CD200: variants seen among roughly 807,000 people sequenced by gnomAD.
CD200 encodes the protein OX-2 membrane glycoprotein.
A neutral mutation model predicts 30.9 loss-of-function variants in CD200; 15 were observed. The observed-to-expected ratio is 0.49, with a 90% confidence interval of 0.32 to 0.75. CD200 has a LOEUF of 0.75. Ranked by LOEUF, CD200 falls within the 30% of genes least tolerant of loss-of-function variation. The pLI is 0.03. For missense variants in CD200, 262 were observed against 324.2 expected (o/e 0.81, Z 1.47); for synonymous variants, 134 against 126.2 (o/e 1.06, Z -0.41).
intron 5 of CD200, chr3:112,350,021 C>CTT (rs1313553503): frequency 1.0e-6 from 1 of 962,218 alleles, no homozygotes; most frequent in Non-Finnish European, 1.2e-6. Flanking sequence ...GACATTTCTG[C>CTT]TTTTTGTTTG....
Position 112,347,810 on chromosome 3 carries a change from T to G in CD200, c.674T>G (p.Phe225Cys). The change falls in exon 4 of 6, where the codon TTT becomes TGT. Residue 225 changes from phenylalanine to cysteine, a missense_variant. By Grantham distance (205) the Phe-to-Cys change is radical (BLOSUM62 -2). Coordinates refer to ENST00000315711, the MANE Select transcript of CD200 (RefSeq NM_005944.7). ...CTGCACCTGGGGACTGTGACCGACT[T>G]TAAGCAAACCGTCAACAAAGGTAAG... ...QVLHLGTVTD[F>C]KQTVNKGYWF... 1 of 1,613,424 alleles carries G rather than the reference T, an allele frequency of 6.2e-7. No individual in the cohort carries two copies.
Position 112,355,499 on chromosome 3 carries a change from G to A in CD200, c.802+5680G>A, listed in dbSNP as rs769830121. On this transcript the variant is annotated intron_variant, in intron 5 of 5. Transcript: ENST00000315711. ...CCTTTGTCTTCGTCATAAGCATCCC[G>A]TAAACACAAGTTCACAGGGAACTGT... is the stretch of plus-strand genomic sequence containing the variant. Among the ~76,000 whole-genome samples, 12 of 152,096 alleles carry A rather than the reference G, an allele frequency of 7.9e-5. No homozygotes were observed. The East Asian group carries it at 1.7e-3, about 22-fold the overall frequency.
At chr3:112,335,729 G>A (rs2081099967) in intron 1 of CD200, 6 of 551,026 alleles carry the variant, frequency 1.1e-5, no homozygotes, top group Non-Finnish European at 2.0e-5. Flanking sequence ...TGGAGATAGT[G>A]ATGGAGACTC....
chr3:112,342,317 CTTTCTTTCTTTCTTTCTTTCCTTCTTTCT>C (rs2081262716), intron 2 of CD200, among the ~76,000 whole-genome samples: 1 of 41,846 alleles, frequency 2.4e-5, no homozygotes, highest in African/African-American at 1.1e-4. Context: ...TTTCTTCTTT[CTTTCTTTCTTTCTTTCTTTCCTTCTTTCT>C]TTCTTTCTTT....
chr3:112,343,060 A>G (rs2081304640), intron 2 of CD200, among the ~76,000 whole-genome samples: 1 of 151,776 alleles, frequency 6.6e-6, no homozygotes, highest in East Asian at 1.9e-4. Flanking sequence ...AAAGTTTATT[A>G]TTTCTCTTTC....
At position 112,347,778 on chromosome 3, in the gene CD200, C is replaced by T. The variant is rs1429032546; in HGVS notation, c.642C>T (p.Cys214=). 4 of 1,613,802 alleles carry T rather than the reference C, an allele frequency of 2.5e-6. No homozygotes were observed. The South Asian group carries it at 3.3e-5, about 13-fold the overall frequency. The change falls in exon 4 of 6, where the codon TGC becomes TGT. Residue 214 remains cysteine (C), a synonymous_variant. Coordinates refer to ENST00000315711, the MANE Select transcript of CD200 (RefSeq NM_005944.7). The part of the protein sequence containing the change: ...PKNQVGKEVI[C]QVLHLGTVTD... ...ATCAGGTGGGGAAGGAGGTGATCTGCCAGGTGCTGCACCTGGGGACTGTGA... is the reference window on the plus strand; with the variant it reads ...ATCAGGTGGGGAAGGAGGTGATCTGTCAGGTGCTGCACCTGGGGACTGTGA...
chr3:112,344,959 T>C lies in CD200; in HGVS notation c.95-3T>C. ...ATATAAATGTTCTTTTATGATTCCA[T>C]AGTGCAAGTGGTGACCCAGGATGAA... On this transcript the variant is annotated splice_region_variant and splice_polypyrimidine_tract_variant and intron_variant, in intron 2 of 5. Transcript: ENST00000315711. The C allele has an allele frequency of 6.3e-7, 1 of 1,592,234 alleles. No individual in the cohort carries two copies. The highest frequency in any genetic ancestry group is 8.6e-7 in the Non-Finnish European group (1 of 1,167,710).
intron 5 of CD200, among the ~76,000 whole-genome samples, chr3:112,360,441 C>T (rs759554878): frequency 2.0e-5 from 3 of 151,936 alleles, no homozygotes; most frequent in Non-Finnish European, 1.5e-5. Context: ...AAAATAAGTA[C>T]ATAACTGAGA....
chr3:112,359,083 G>T (rs940303958), intron 5 of CD200, among the ~76,000 whole-genome samples: 24 of 152,200 alleles, frequency 1.6e-4, no homozygotes, highest in African/African-American at 5.6e-4. Context: ...AATCCTAAAA[G>T]GTTTTGCTCT....
chr3:112,340,790 TG>T (rs1256014787), intron 1 of CD200, 111 bp from the exon 2 acceptor site: 3 of 697,798 alleles, frequency 4.3e-6, no homozygotes, highest in African/African-American at 1.8e-5. Context: ...CAAAATTCTC[TG>T]GGGGGTAAAA....
intron 5 of CD200, among the ~76,000 whole-genome samples, chr3:112,359,747 G>C (rs781253226): frequency 5.3e-5 from 8 of 152,128 alleles, no homozygotes; most frequent in Non-Finnish European, 8.8e-5. Flanking sequence ...GACAGGTTAG[G>C]GGGACAGCAG....
In CD200 at chr3:112,340,995, C is replaced by T. The variant is rs778552357; in HGVS notation, c.94+12C>T. Reference sequence around the variant, plus strand: ...GTGCACAGCACAAGGTAAAGAAACTCAATTCCCCTGCTTGGAGCCCAGCAA... The same window carrying T: ...GTGCACAGCACAAGGTAAAGAAACTTAATTCCCCTGCTTGGAGCCCAGCAA... On this transcript the variant is annotated intron_variant, in intron 2 of 5. Coordinates refer to ENST00000315711, the MANE Select transcript of CD200 (RefSeq NM_005944.7). The T allele has an allele frequency of 6.4e-7, 1 of 1,573,896 alleles. No individual in the cohort carries two copies. The highest frequency in any genetic ancestry group is 1.4e-5 in the African/African-American group (1 of 74,032).
chr3:112,349,982 G>A, intron 5 of CD200, 163 bp downstream of exon 5: 1 of 984,946 alleles, frequency 1.0e-6, no homozygotes, highest in Non-Finnish European at 1.2e-6. Context: ...ATGCGTCGGG[G>A]CATTTTCTTG....
At chr3:112,356,552 G>A (rs1017925488) in intron 5 of CD200, among the ~76,000 whole-genome samples, 21 of 152,028 alleles carry the variant, frequency 1.4e-4, no homozygotes, top group Non-Finnish European at 2.5e-4. Context: ...GTTATTAACC[G>A]TAGTCACCAT....
rs192015569 is a variant in CD200, at chr3:112,348,247, G to T, written c.694+417G>T. ...GTGCATTACATTCTCCAGTGAGAAA[G>T]CTATGATGCACCATGGGAGGATTGG... On this transcript the variant is annotated intron_variant, in intron 4 of 5. Coordinates refer to ENST00000315711, the MANE Select transcript of CD200 (RefSeq NM_005944.7). Among the ~76,000 whole-genome samples, 221 of 152,290 alleles carry T rather than the reference G, an allele frequency of 1.5e-3. 2 individuals are homozygous for T. Among genetic ancestry groups the T allele is most frequent in the Admixed American group, 5.6e-3 (86 of 15,298 alleles).
chr3:112,346,041 G>A (rs1015358169), intron 3 of CD200, among the ~76,000 whole-genome samples: 4 of 152,180 alleles, frequency 2.6e-5, no homozygotes, highest in African/African-American at 9.6e-5. Context: ...ATTAAGGTGA[G>A]AGTTTACTCA....
chr3:112,348,086 C>T (rs903197566), intron 4 of CD200, among the ~76,000 whole-genome samples: 1 of 152,214 alleles, frequency 6.6e-6, no homozygotes, highest in Non-Finnish European at 1.5e-5. Context: ...TTCTTCCACT[C>T]TACTAACATG....
In CD200 at chr3:112,350,773, A is replaced by AT. The variant is rs555393417; in HGVS notation, c.802+960dup. ...TAGACTTTGATTAAAAATCTCACTC[A>AT]TTTTTTCCTTTCATTTTATGTTTTA... On this transcript the variant is annotated intron_variant, in intron 5 of 5. Transcript: ENST00000315711. Among the ~76,000 whole-genome samples, 606 of 151,688 alleles carry AT rather than the reference A, an allele frequency of 4.0e-3. 2 individuals carry two copies. Among genetic ancestry groups the AT allele is most frequent in the Non-Finnish European group, 5.7e-3 (388 of 67,842 alleles).
In CD200 at chr3:112,341,541, C is replaced by T. The variant is rs150831955; in HGVS notation, c.94+558C>T. Among the ~76,000 whole-genome samples the T allele has an allele frequency of 1.0e-3, 152 of 152,300 alleles. 2 individuals are homozygous for T. In the South Asian group the frequency reaches 0.02, roughly 20 times the overall value. Reference sequence around the variant, plus strand: ...CACTTTACCACTGGCCTTTTCATCACTTGCAGTGTGATGTTGCTCAGCATC... The same window carrying T: ...CACTTTACCACTGGCCTTTTCATCATTTGCAGTGTGATGTTGCTCAGCATC... On this transcript the variant is annotated intron_variant, in intron 2 of 5. Transcript: ENST00000315711.
Sources: gnomAD v4.1 joint callset for allele counts (sites outside exome capture counted in the v4.1 genomes callset) on GRCh38, gnomAD v4.1.1 for gene constraint, MANE v1.5 for transcripts, NCBI Gene and HGNC (gene_info 2026-07-23, HGNC 2026-07-21) for gene names.